FMN1: variants seen among roughly 807,000 people sequenced by gnomAD.
FMN1 encodes the protein formin-1.
In FMN1, 110 loss-of-function variants were observed where a neutral mutation model predicts 132.4. The observed-to-expected ratio is 0.83, with a 90% CI of 0.71 to 0.97. The LOEUF is 0.97. Ranked by LOEUF, FMN1 falls within the 50% of genes least tolerant of loss-of-function variation. The probability of loss-of-function intolerance (pLI) is 0.00; values close to 1 mark genes in which losing one functional copy is unlikely to be tolerated. For missense variants in FMN1, 1,792 were observed against 1,705.3 expected, an observed-to-expected ratio of 1.05 and a Z score of -0.90; for synonymous variants, 722 against 651.7, an observed-to-expected ratio of 1.11 and a Z score of -1.64.
At chr15:33,068,493 C>G (rs767742192) in intron 5 of FMN1, among the ~76,000 whole-genome samples, 3 of 152,156 alleles carry the variant, frequency 2.0e-5, no homozygotes, top group Non-Finnish European at 4.4e-5. Context: ...CTGGGGCATC[C>G]AGGCCAAAAA....
At chr15:32,969,659 A>C (rs2140664231) in intron 7 of FMN1, among the ~76,000 whole-genome samples, 182 bp from the exon 8 acceptor site, 1 of 152,282 alleles carries the variant, frequency 6.6e-6, no homozygotes, top group East Asian at 1.9e-4. Context: ...TTTTCCAGGG[A>C]CCTAAACAGG....
chr15:32,820,365 G>A (rs1194867253), intron 17 of FMN1, among the ~76,000 whole-genome samples: 1 of 152,098 alleles, frequency 6.6e-6, no homozygotes, highest in Non-Finnish European at 1.5e-5. Flanking sequence ...ATTCTATTAT[G>A]AAACTGAAAA....
At chr15:33,051,013 A>T (rs1019390625) in intron 6 of FMN1, among the ~76,000 whole-genome samples, 2 of 152,234 alleles carry the variant, frequency 1.3e-5, no homozygotes, top group Non-Finnish European at 2.9e-5. Flanking sequence ...TGTGCCACTC[A>T]GTGTATACGT....
chr15:32,948,656 A>T (rs1417503447), intron 9 of FMN1, among the ~76,000 whole-genome samples: 1 of 152,016 alleles, frequency 6.6e-6, no homozygotes, highest in East Asian at 1.9e-4. Context: ...ATTGGCAAAA[A>T]TTTGTTCATG....
chr15:33,128,790 G>A (rs75393587), intron 4 of FMN1, among the ~76,000 whole-genome samples: 53 of 152,238 alleles, frequency 3.5e-4, no homozygotes, highest in Middle Eastern at 3.2e-3. Flanking sequence ...ACGGTGAGCA[G>A]CAGCAAGATT....
In FMN1 at chr15:33,017,244, T is replaced by C. The variant is rs143949501; in HGVS notation, c.2162-9169A>G. Among the ~76,000 whole-genome samples, 3 of 152,318 alleles carry C rather than the reference T, an allele frequency of 2.0e-5. No individual in the cohort carries two copies. In the East Asian group the frequency reaches 5.8e-4, roughly 29 times the overall value. On this transcript the variant is annotated intron_variant, in intron 6 of 20. Coordinates refer to ENST00000616417, the MANE Select transcript of FMN1 (RefSeq NM_001277313.2). ...CTACTCTGTATGCTACTATAATAGT[T>C]GATACGGGTCATACATTATTCAAAA...
intron 8 of FMN1, among the ~76,000 whole-genome samples, chr15:32,966,794 CA>C (rs2031281765): frequency 6.6e-6 from 1 of 152,186 alleles, no homozygotes; most frequent in Non-Finnish European, 1.5e-5. Flanking sequence ...TCTAGTTGCA[CA>C]AAATATTAAA....
intron 19 of FMN1, among the ~76,000 whole-genome samples, chr15:32,791,367 CT>C (rs34331378): frequency 0.97 from 143,368 of 147,950 alleles, 69,554 homozygotes; most frequent in Non-Finnish European, 1. Context: ...AGCAATAAAC[CT>C]TTTTTTTTTT....
chr15:32,935,803 C>A (rs1596307489), intron 9 of FMN1, among the ~76,000 whole-genome samples: 1 of 151,676 alleles, frequency 6.6e-6, no homozygotes, highest in East Asian at 1.9e-4. Flanking sequence ...AATTTTTGTT[C>A]TTTTAGTAGA....
intron 5 of FMN1, among the ~76,000 whole-genome samples, chr15:33,076,449 G>A (rs1192491840): frequency 2.0e-5 from 3 of 151,814 alleles, no homozygotes; most frequent in Non-Finnish European, 2.9e-5. Context: ...ATATTAGTTC[G>A]AACTCCAAAG....
intron 6 of FMN1, among the ~76,000 whole-genome samples, chr15:33,048,631 C>CCAA (rs2036803636): frequency 4.6e-5 from 2 of 43,440 alleles, no homozygotes; most frequent in Non-Finnish European, 9.9e-5. Flanking sequence ...GGCAATTTAC[C>CCAA]AAAAAAAAAA....
chr15:32,852,564 A>G (rs2059032335), intron 17 of FMN1, among the ~76,000 whole-genome samples: 1 of 152,130 alleles, frequency 6.6e-6, no homozygotes, highest in Non-Finnish European at 1.5e-5. Flanking sequence ...ATGGGGTCTC[A>G]CTTTGTTGCC....
Position 33,121,414 on chromosome 15 carries a change from G to A in FMN1, c.1867+31634C>T, listed in dbSNP as rs1962541121. Among the ~76,000 whole-genome samples, 3 of 152,164 alleles carry A rather than the reference G, an allele frequency of 2.0e-5. No individual in the cohort carries two copies. In the South Asian group the frequency reaches 6.2e-4, roughly 32 times the overall value. Reference sequence around the variant, plus strand: ...TGTCTATAAATTGAGAGCACAAAGGGAGAAACTCATTCCCTCATTTCCAGT... The same window carrying A: ...TGTCTATAAATTGAGAGCACAAAGGAAGAAACTCATTCCCTCATTTCCAGT... On this transcript the variant is annotated intron_variant, in intron 4 of 20. Coordinates refer to ENST00000616417, the MANE Select transcript of FMN1 (RefSeq NM_001277313.2).
At chr15:32,829,302 C>T (rs541118363) in intron 17 of FMN1, among the ~76,000 whole-genome samples, 5 of 152,212 alleles carry the variant, frequency 3.3e-5, no homozygotes, top group African/African-American at 1.2e-4. Context: ...AAAACATGCG[C>T]TCCGGCGAAA....
chr15:32,983,879 T>C (rs562859884), intron 7 of FMN1, among the ~76,000 whole-genome samples: 7 of 152,320 alleles, frequency 4.6e-5, no homozygotes, highest in African/African-American at 1.4e-4. Flanking sequence ...ACAGGATCAG[T>C]AGTAATCCTC....
intron 5 of FMN1, chr15:33,066,837 T>A (rs1161399482): frequency 1.2e-6 from 2 of 1,613,878 alleles, no homozygotes; most frequent in Non-Finnish European, 1.7e-6. Context: ...ATGTCAATGT[T>A]GAGCAGCAGA....
In FMN1 at chr15:33,012,630, C is replaced by G. The variant is rs146695039; in HGVS notation, c.2162-4555G>C. ...TTCAGAAATACCACACTGCAAATGA[C>G]CACAACTGTGAAGGTAGGAAAGCCC... On this transcript the variant is annotated intron_variant, in intron 6 of 20. Coordinates refer to ENST00000616417, the MANE Select transcript of FMN1 (RefSeq NM_001277313.2). 2.2e-3 allele frequency: 2,035 copies of G among 939,322 alleles called. 8 individuals carry two copies. Among genetic ancestry groups the G allele is most frequent in the Middle Eastern group, 9.5e-3 (30 of 3,148 alleles). The allele number at this position is 939,322 out of a possible 1,614,324, so 58.2% of individuals were successfully genotyped here.
intron 9 of FMN1, among the ~76,000 whole-genome samples, chr15:32,957,690 T>C (rs1229776455): frequency 6.6e-6 from 1 of 152,212 alleles, no homozygotes; most frequent in Non-Finnish European, 1.5e-5. Context: ...TTCACATTAG[T>C]TCATAAACTA....
chr15:32,857,095 T>C lies in FMN1; in HGVS notation c.3848A>G (p.Gln1283Arg). 1 of 1,613,430 alleles carries C rather than the reference T, an allele frequency of 6.2e-7. No individual in the cohort carries two copies. Among genetic ancestry groups the C allele is most frequent in the Non-Finnish European group, 8.5e-7 (1 of 1,179,340 alleles). The change falls in exon 17 of 21, where the codon CAG becomes CGG. Residue 1283 changes from glutamine to arginine, a missense_variant. Gln to Arg is a conservative substitution (Grantham distance 43). Coordinates refer to ENST00000616417, the MANE Select transcript of FMN1 (RefSeq NM_001277313.2). ...LKRQLEASEK[Q>R]MVVVCKESPK... ...GGACTCCTTGCACACCACCACCATC[T>C]GTTTCTCACTTGCTGTGAAGAGAAA...
Sources: allele counts gnomAD v4.1 joint callset (sites outside exome capture counted in the v4.1 genomes callset), GRCh38; gene constraint gnomAD v4.1.1; transcripts MANE v1.5; gene names NCBI Gene and HGNC (gene_info 2026-07-23, HGNC 2026-07-21).